Variants in BPIFB1 observed in about 807,000 individuals in gnomAD.
BPIFB1 encodes the protein BPI fold containing family B member 1.
A neutral mutation model predicts 55.1 loss-of-function variants in BPIFB1; 34 were observed. That is an observed-to-expected ratio of 0.62 (90% CI 0.47 to 0.82). The LOEUF is 0.82. Ranked by LOEUF, BPIFB1 falls within the 40% of genes least tolerant of loss-of-function variation. The pLI is 0.00. For missense variants in BPIFB1, 532 were observed against 593.1 expected (o/e 0.90, Z 1.07); for synonymous variants, 236 against 245.3 (o/e 0.96, Z 0.35).
chr20:33,301,652 T>C (rs2146533909), intron 9 of BPIFB1, among the ~76,000 whole-genome samples: 1 of 152,268 alleles, frequency 6.6e-6, no homozygotes. Flanking sequence ...CTCTACCAAA[T>C]AACAGTCTCG....
chr20:33,308,887 TACAC>T (rs1364122980), intron 15 of BPIFB1, among the ~76,000 whole-genome samples: 3 of 144,432 alleles, frequency 2.1e-5, no homozygotes, highest in South Asian at 4.4e-4. Context: ...ACCACACACA[TACAC>T]ACATACATAC....
intron 6 of BPIFB1, 50 bp from the exon 7 acceptor site, chr20:33,297,475 G>C (rs1351737659): frequency 6.2e-7 from 1 of 1,601,646 alleles, no homozygotes; most frequent in East Asian, 2.2e-5. Context: ...CTGCTGTGGG[G>C]CTGCATTCTG....
intron 13 of BPIFB1, among the ~76,000 whole-genome samples, chr20:33,305,273 G>A (rs6120226): frequency 0.022 from 3,320 of 150,044 alleles, 243 homozygotes; most frequent in Admixed American, 0.15. Context: ...TCAGTCTGGC[G>A]TGTTTTCTCT....
At chr20:33,290,062 C>A in intron 4 of BPIFB1, 70 bp downstream of exon 4, 1 of 1,214,550 alleles carries the variant, frequency 8.2e-7, no homozygotes, top group East Asian at 2.4e-5. Context: ...CCCCCGCCCC[C>A]ACCATGCAGG....
intron 13 of BPIFB1, 102 bp downstream of exon 13, chr20:33,304,993 C>G: frequency 7.5e-7 from 1 of 1,341,282 alleles, no homozygotes; most frequent in Non-Finnish European, 1.1e-6. Context: ...AAGGTCCCCA[C>G]AGAAGCACCA....
Position 33,303,111 on chromosome 20 carries a change from G to T in BPIFB1, c.1140+37G>T, listed in dbSNP as rs775595783. 4 of 1,609,694 alleles carry T rather than the reference G, an allele frequency of 2.5e-6. No individual in the cohort carries two copies. In the African/African-American group the frequency reaches 5.3e-5, roughly 22 times the overall value. On this transcript the variant is annotated intron_variant, in intron 11 of 15. Transcript: ENST00000253354. ...TGTCTGCGATATTGGCAGCAACCAGGGGGACCCTTCTGTCTACTTTTCCTG... is the reference window on the plus strand; with the variant it reads ...TGTCTGCGATATTGGCAGCAACCAGTGGGACCCTTCTGTCTACTTTTCCTG...
rs1980491191 is a variant in BPIFB1, at chr20:33,292,061, G to A, written c.597+73G>A. On this transcript the variant is annotated intron_variant, in intron 6 of 15. Transcript: ENST00000253354. ...TGGGGCTTGGGTGGAACTGCAAGTT[G>A]GTGCTAAGTGACTGGAGTCTCCTTG... 12 of 1,340,646 alleles carry A rather than the reference G, an allele frequency of 9.0e-6. 1 individual carries two copies. The South Asian group carries it at 1.3e-4, about 14-fold the overall frequency. 83.0% of individuals were successfully genotyped at this position (1,340,646 alleles called of 1,614,324 possible). A position where few individuals can be genotyped will look rare whatever the true frequency, so the allele number is the denominator to read the frequency against.
rs149958645 is a variant in BPIFB1, at chr20:33,301,343, G to A, written c.858G>A (p.Gln286=). 1.5e-5 allele frequency: 25 copies of A among 1,614,096 alleles called. No individual in the cohort carries two copies. Among genetic ancestry groups the A allele is most frequent in the Non-Finnish European group, 2.0e-5 (24 of 1,180,054 alleles). ...TCCCGTTCAGCCTCATCGTGAGTCA[G>A]GACGTGGTGAAAGCTGCAGTGGCTG... is the stretch of plus-strand genomic sequence containing the variant. ...DNIPFSLIVS[Q]DVVKAAVAAV... is the part of the protein sequence containing the mutation. Residue 286 remains glutamine, a synonymous_variant, in exon 9 of 16, where the codon CAG becomes CAA. Coordinates refer to ENST00000253354, the MANE Select transcript of BPIFB1 (RefSeq NM_033197.3).
At chr20:33,300,520 GCCAT>G (rs1281862706) in intron 8 of BPIFB1, among the ~76,000 whole-genome samples, 11 of 152,228 alleles carry the variant, frequency 7.2e-5, no homozygotes, top group Non-Finnish European at 1.5e-4. Flanking sequence ...GAGCTGCACA[GCCAT>G]GCTGTGGCTG....
chr20:33,291,266 G>C (rs2146527990), intron 5 of BPIFB1, among the ~76,000 whole-genome samples, 160 bp downstream of exon 5: 1 of 152,374 alleles, frequency 6.6e-6, no homozygotes, highest in Non-Finnish European at 1.5e-5. Flanking sequence ...CAGGGAATCT[G>C]TGATGCCAAG....
intron 2 of BPIFB1, among the ~76,000 whole-genome samples, chr20:33,286,658 C>T (rs1453164344): frequency 6.6e-6 from 1 of 152,192 alleles, no homozygotes; most frequent in Non-Finnish European, 1.5e-5. Context: ...CACCTTGGGA[C>T]ACAAATAAGA....
rs1327437278 is a variant in BPIFB1 at position 33,301,338 on chromosome 20, A to G, written c.853A>G (p.Ser285Gly). ...LDNIPFSLIV[S>G]QDVVKAAVAA... Reference sequence around the variant, plus strand: ...CAACATCCCGTTCAGCCTCATCGTGAGTCAGGACGTGGTGAAAGCTGCAGT... The same window carrying G: ...CAACATCCCGTTCAGCCTCATCGTGGGTCAGGACGTGGTGAAAGCTGCAGT... The change falls in exon 9 of 16, where the codon AGT (serine) becomes GGT (glycine). Residue 285 changes from serine (S) to glycine (G), a missense_variant. Ser to Gly is a moderately conservative substitution (Grantham distance 56). Transcript: ENST00000253354. The G allele has an allele frequency of 9.3e-6, 15 of 1,614,214 alleles. No homozygotes were observed. The highest frequency in any genetic ancestry group is 1.3e-5 in the Non-Finnish European group (15 of 1,180,042).
At chr20:33,307,746 T>C (rs1169013126) in intron 15 of BPIFB1, 1 of 152,192 alleles carries the variant, frequency 6.6e-6, no homozygotes, top group African/African-American at 2.4e-5. Context: ...AAACCCAGTC[T>C]CTACTAAAAA....
Position 33,304,875 on chromosome 20 carries a change from G to C in BPIFB1, c.1238G>C (p.Gly413Ala), listed in dbSNP as rs369758696. ...SSDRIQLMNS[G>A]IGWFQPDVLK... The stretch of plus-strand genomic sequence containing the variant: ...GATCGGATCCAGCTGATGAACTCTG[G>C]GATTGGCTGGTTCCAAGTAAGTGTT... The change falls in exon 13 of 16, where the codon GGG (glycine) becomes GCG (alanine). Residue 413 changes from glycine to alanine, a missense_variant. Coordinates refer to ENST00000253354, the MANE Select transcript of BPIFB1 (RefSeq NM_033197.3). 6.2e-7 allele frequency: 1 copy of C among 1,614,166 alleles called. No homozygotes were observed. Among genetic ancestry groups the C allele is most frequent in the Admixed American group, 1.7e-5 (1 of 60,018 alleles).
intron 15 of BPIFB1, chr20:33,307,433 G>C (rs1981068662): frequency 6.1e-6 from 1 of 162,642 alleles, no homozygotes; most frequent in Non-Finnish European, 1.3e-5. Flanking sequence ...AAATAAAGCA[G>C]GCTCAGGAGG....
rs1366937451 is a variant in BPIFB1 at position 33,291,047 on chromosome 20, C to T, written c.456C>T (p.Arg152=). ...ACACCAGTGCAAGTGGCCCCACCCG[C>T]CTGGTCCTCAGTGACTGTGCCACCA... is the stretch of plus-strand genomic sequence containing the variant. ...RMDTSASGPT[R]LVLSDCATSH... is the part of the protein sequence containing the mutation. Residue 152 remains arginine, a synonymous_variant, in exon 5 of 16, where the codon CGC becomes CGT. Transcript: ENST00000253354. The T allele has an allele frequency of 6.2e-7, 1 of 1,613,608 alleles. No individual in the cohort carries two copies. Among genetic ancestry groups the T allele is most frequent in the Non-Finnish European group, 8.5e-7 (1 of 1,180,030 alleles).
chr20:33,288,810 T>C lies in BPIFB1; in HGVS notation c.185T>C (p.Met62Thr), dbSNP rs145225110. ...CAGCAGCTGCCGCTGCTCAGTGCCA[T>C]GCGGGAAAAGCCAGCCGGAGGCATC... The part of the protein sequence containing the change: ...ILQQLPLLSA[M>T]REKPAGGIPV... The change falls in exon 3 of 16, where the codon ATG becomes ACG. Residue 62 changes from methionine to threonine, a missense_variant. Coordinates refer to ENST00000253354, the MANE Select transcript of BPIFB1 (RefSeq NM_033197.3). The C allele has an allele frequency of 6.0e-4, 967 of 1,613,906 alleles. 2 individuals carry two copies. Among genetic ancestry groups the C allele is most frequent in the Non-Finnish European group, 7.6e-4 (899 of 1,180,038 alleles).
intron 1 of BPIFB1, among the ~76,000 whole-genome samples, chr20:33,285,447 C>T (rs1394636859): frequency 2.0e-5 from 3 of 151,684 alleles, no homozygotes; most frequent in African/African-American, 7.3e-5. Flanking sequence ...GGCGCGGTGG[C>T]TCACGCCTGT....
intron 10 of BPIFB1, 31 bp from the exon 11 acceptor site, chr20:33,302,885 G>C: frequency 6.2e-7 from 1 of 1,609,980 alleles, no homozygotes; most frequent in Non-Finnish European, 8.5e-7. Flanking sequence ...GGGCACTTGG[G>C]AGGCCACATG....
Sources: allele counts gnomAD v4.1 joint callset (sites outside exome capture counted in the v4.1 genomes callset), GRCh38; gene constraint gnomAD v4.1.1; transcripts MANE v1.5; gene names NCBI Gene and HGNC (gene_info 2026-07-23, HGNC 2026-07-21).